The following PML variants were observed in gnomAD, a reference collection of about 807,000 sequenced individuals.
PML encodes protein PML.
PML carries 28 observed loss-of-function variants against 65.2 expected under a neutral mutation model. That is an observed-to-expected ratio of 0.43 (90% CI 0.32 to 0.59). PML has a LOEUF of 0.59. Among genes scored for constraint, PML ranks in the 20% least tolerant of loss-of-function variants. The pLI is 0.08. For synonymous variants in PML, 500 were observed against 508.8 expected (o/e 0.98, Z 0.23); for missense variants, 1,021 against 1,203.4 (o/e 0.85, Z 2.24).
rs192550582 is a variant in PML at position 74,007,677 on chromosome 15, G to A, written c.602+9201G>A. ...CTGGGACTCGGGGTGTCTGCCCTGG[G>A]GTGGCTGCCCTGGGGTGGCTGCCCT... On this transcript the variant is annotated intron_variant, in intron 2 of 8. Transcript: ENST00000268058. 4.2e-4 allele frequency among the ~76,000 whole-genome samples: 64 copies of A among 151,440 alleles called. 1 individual carries two copies. The highest frequency in any genetic ancestry group is 1.5e-3 in the African/African-American group (60 of 41,062).
chr15:74,002,846 C>T (rs1463034482), intron 2 of PML, among the ~76,000 whole-genome samples: 1 of 152,092 alleles, frequency 6.6e-6, no homozygotes, highest in Non-Finnish European at 1.5e-5. Flanking sequence ...TATATATAGG[C>T]CAGATGTGGT....
chr15:74,012,054 TAAAG>T (rs935139301), intron 2 of PML, among the ~76,000 whole-genome samples: 1 of 152,192 alleles, frequency 6.6e-6, no homozygotes, highest in Non-Finnish European at 1.5e-5. Flanking sequence ...TTACAGAAGA[TAAAG>T]AAACTAAAGT....
In PML at chr15:74,023,346, A is replaced by G. The variant is rs545588296; in HGVS notation, c.1121A>G (p.Asp374Gly). 6 of 1,603,712 alleles carry G rather than the reference A, an allele frequency of 3.7e-6. No individual in the cohort carries two copies. In the African/African-American group the frequency reaches 8.0e-5, roughly 21 times the overall value. Residue 374 changes from aspartate (D) to glycine (G), a missense_variant, in exon 3 of 9, where the codon GAT becomes GGT. Asp to Gly is a moderately conservative substitution (Grantham distance 94, BLOSUM62 -1). Coordinates refer to ENST00000268058, the MANE Select transcript of PML (RefSeq NM_033238.3). ...PQSLQAAVRT[D>G]GFDEFKVRLQ... ...AGCCTGCAAGCTGCCGTGCGCACCG[A>G]TGGCTTCGACGAGTTCAAGGTGCGC...
intron 1 of PML, among the ~76,000 whole-genome samples, chr15:73,997,050 G>T (rs2069544689): frequency 6.6e-6 from 1 of 152,232 alleles, no homozygotes; most frequent in South Asian, 2.1e-4. Context: ...AGGGCTCAAG[G>T]ACCCCAGTTA....
chr15:74,023,115 T>A lies in PML; in HGVS notation c.890T>A (p.Leu297Gln). 1 of 1,604,088 alleles carries A rather than the reference T, an allele frequency of 6.2e-7. No homozygotes were observed. The highest frequency in any genetic ancestry group is 8.5e-7 in the Non-Finnish European group (1 of 1,179,006). The change falls in exon 3 of 9, where the codon CTG becomes CAG. Residue 297 changes from leucine to glutamine, a missense_variant. Physicochemically the swap from Leu to Gln is moderately radical, Grantham distance 113. Coordinates refer to ENST00000268058, the MANE Select transcript of PML (RefSeq NM_033238.3). ...CACGTGCGGGCTCAGGAGCGCGAGC[T>A]GCTGGAGGCTGTGGACGCGCGGTAC... ...VAHVRAQERE[L>Q]LEAVDARYQR...
chr15:74,040,644 G>A (rs866747810), intron 7 of PML, among the ~76,000 whole-genome samples: 1 of 152,242 alleles, frequency 6.6e-6, no homozygotes, highest in Admixed American at 6.5e-5. Flanking sequence ...GTTTAAGGCG[G>A]AGCAGGGGAG....
chr15:74,006,618 G>A (rs2070069635), intron 2 of PML, among the ~76,000 whole-genome samples: 1 of 152,156 alleles, frequency 6.6e-6, no homozygotes, highest in African/African-American at 2.4e-5. Flanking sequence ...TTGCAAAGGT[G>A]GCAAACTGTT....
At chr15:74,008,875 C>G (rs2070190938) in intron 2 of PML, among the ~76,000 whole-genome samples, 2 of 152,130 alleles carry the variant, frequency 1.3e-5, no homozygotes, top group African/African-American at 4.8e-5. Context: ...TCTTTGGCTG[C>G]ATACTTATTT....
At chr15:74,027,213 T>A (rs1169515137) in intron 4 of PML, 1 of 152,198 alleles carries the variant, frequency 6.6e-6, no homozygotes, top group Non-Finnish European at 1.5e-5. Context: ...GTTGTTTTGC[T>A]ATTACAAACA....
chr15:74,038,924 C>T (rs749698194), intron 7 of PML, among the ~76,000 whole-genome samples: 1 of 152,176 alleles, frequency 6.6e-6, no homozygotes, highest in Non-Finnish European at 1.5e-5. Flanking sequence ...AGTGAGTCCC[C>T]CAGGCCTGGT....
chr15:74,025,288 G>A (rs1449255738), intron 4 of PML: 3 of 351,920 alleles, frequency 8.5e-6, no homozygotes, highest in African/African-American at 6.4e-5. Flanking sequence ...GTTGTCAGAT[G>A]TATGGTTAGA....
chr15:74,036,198 C>T, intron 7 of PML: 1 of 1,588,304 alleles, frequency 6.3e-7, no homozygotes, highest in South Asian at 1.1e-5. Flanking sequence ...CCTCTTTGCC[C>T]AAGAAAGAAA....
In PML at chr15:74,022,878, T is replaced by C. The variant is rs1398414369; in HGVS notation, c.653T>C (p.Leu218Pro). 6.2e-7 allele frequency: 1 copy of C among 1,613,780 alleles called. No individual in the cohort carries two copies. The highest frequency in any genetic ancestry group is 1.7e-5 in the Admixed American group (1 of 60,002). The change falls in exon 3 of 9, where the codon CTT becomes CCT. Residue 218 changes from leucine (L) to proline (P), a missense_variant. Leu to Pro is a moderately conservative substitution (Grantham distance 98, BLOSUM62 -3). Coordinates refer to ENST00000268058, the MANE Select transcript of PML (RefSeq NM_033238.3). ...CCGCTGTGCTGCTCGTGCGCGCTCC[T>C]TGACAGCAGCCACAGTGAGCTCAAG... ...SKPLCCSCAL[L>P]DSSHSELKCD... is the part of the protein sequence containing the mutation.
At chr15:74,021,570 A>G (rs956222633) in intron 2 of PML, among the ~76,000 whole-genome samples, 2 of 151,818 alleles carry the variant, frequency 1.3e-5, no homozygotes, top group African/African-American at 4.8e-5. Context: ...GGGCAACAAG[A>G]GCGAAACTCC....
chr15:74,020,752 C>T (rs980130489), intron 2 of PML, among the ~76,000 whole-genome samples: 6 of 152,124 alleles, frequency 3.9e-5, no homozygotes, highest in South Asian at 2.1e-4. Context: ...TCAGGGAGAA[C>T]GTTTTCTTGC....
chr15:74,026,982 G>T (rs183069790), intron 4 of PML: 16 of 152,110 alleles, frequency 1.1e-4, no homozygotes, highest in Admixed American at 1.0e-3. Flanking sequence ...TATCCTTCCA[G>T]AATGTATGTA....
intron 4 of PML, 88 bp from the exon 5 acceptor site, chr15:74,032,484 C>G (rs1291431458): frequency 1.4e-6 from 2 of 1,458,874 alleles, no homozygotes; most frequent in Non-Finnish European, 1.9e-6. Context: ...TGGTGAGGCC[C>G]CAGGGATTAG....
chr15:74,035,547 C>G lies in PML; in HGVS notation c.1710+1017C>G, dbSNP rs369036000. 1.9e-6 allele frequency: 3 copies of G among 1,610,614 alleles called. No individual in the cohort carries two copies. In the African/African-American group the frequency reaches 4.0e-5, roughly 22 times the overall value. On this transcript the variant is annotated intron_variant, in intron 7 of 8. Transcript: ENST00000268058. The surrounding 1 kb of genome is among the most constrained non-coding windows in gnomAD (Gnocchi z 4.1). ...TCCCCATGTGGTCCAAGCCAGCACT[C>G]CTGCCATCACAGGGCCCCTCAACCA...
chr15:74,041,313 T>C (rs1340397064), intron 7 of PML: 2 of 152,126 alleles, frequency 1.3e-5, no homozygotes, highest in Non-Finnish European at 2.9e-5. Context: ...AACAACTGGA[T>C]TCTCCCAAAG....
Sources: gnomAD v4.1 joint callset for allele counts (sites outside exome capture counted in the v4.1 genomes callset) on GRCh38, gnomAD v4.1.1 for gene constraint, Gnocchi (gnomAD v3.1) non-coding constraint, MANE v1.5 for transcripts, NCBI Gene and HGNC (gene_info 2026-07-23, HGNC 2026-07-21) for gene names.